SPATA16: variants seen among roughly 807,000 people sequenced by gnomAD.
The protein encoded by SPATA16 is spermatogenesis-associated protein 16.
Under a neutral mutation model 63.3 loss-of-function variants are expected in SPATA16, and 36 were observed. The observed-to-expected ratio is 0.57, with a 90% CI of 0.44 to 0.75. The LOEUF (loss-of-function observed/expected upper bound fraction) is 0.75, where lower values mean the gene tolerates loss of function less well. Among genes scored for constraint, SPATA16 ranks in the 30% least tolerant of loss-of-function variants. The pLI is 0.00. For synonymous variants in SPATA16, 203 were observed against 216.7 expected (o/e 0.94, Z 0.56); for missense variants, 646 against 679.3 (o/e 0.95, Z 0.54).
At chr3:173,033,480 A>G (rs1373210221) in intron 3 of SPATA16, among the ~76,000 whole-genome samples, 1 of 152,106 alleles carries the variant, frequency 6.6e-6, no homozygotes, top group African/African-American at 2.4e-5. Context: ...TGGCCCTATT[A>G]TCTTTCCTTT....
intron 10 of SPATA16, among the ~76,000 whole-genome samples, chr3:172,910,836 A>G (rs1325691438): frequency 6.6e-6 from 1 of 152,180 alleles, no homozygotes; most frequent in Admixed American, 6.5e-5. Context: ...AGAAATATCT[A>G]TCTTTATTCA....
At chr3:172,975,186 A>G (rs1734125339) in intron 5 of SPATA16, among the ~76,000 whole-genome samples, 2 of 152,258 alleles carry the variant, frequency 1.3e-5, no homozygotes, top group Middle Eastern at 3.4e-3. Context: ...GGAAGGAGGC[A>G]TGTCTCACAT....
chr3:172,979,519 AAG>A (rs1458071825), intron 4 of SPATA16, among the ~76,000 whole-genome samples: 32 of 152,316 alleles, frequency 2.1e-4, no homozygotes, highest in African/African-American at 7.5e-4. Flanking sequence ...ACTATTGTGA[AAG>A]AGAAGGAGGT....
intron 4 of SPATA16, among the ~76,000 whole-genome samples, chr3:173,013,684 G>C (rs527802346): frequency 1.8e-4 from 28 of 152,260 alleles, no homozygotes; most frequent in African/African-American, 6.3e-4. Context: ...GCCTAGGCAC[G>C]GGCTTATCCC....
At chr3:173,002,972 C>T (rs1256599436) in intron 4 of SPATA16, among the ~76,000 whole-genome samples, 1 of 152,078 alleles carries the variant, frequency 6.6e-6, no homozygotes, top group Non-Finnish European at 1.5e-5. Context: ...ATATGGAAAA[C>T]TATGTTAAAG....
intron 1 of SPATA16, among the ~76,000 whole-genome samples, chr3:173,123,464 T>G: frequency 6.6e-6 from 1 of 152,170 alleles, no homozygotes; most frequent in Non-Finnish European, 1.5e-5. Context: ...AAAGTTTTTT[T>G]TTTAACTTAG....
chr3:173,026,769 T>C (rs957244817), intron 3 of SPATA16, among the ~76,000 whole-genome samples: 5 of 152,094 alleles, frequency 3.3e-5, no homozygotes, highest in African/African-American at 1.2e-4. Flanking sequence ...AATATTCTGT[T>C]CTGGTGATTT....
At chr3:172,942,191 A>C (rs960670118) in intron 6 of SPATA16, among the ~76,000 whole-genome samples, 7 of 152,154 alleles carry the variant, frequency 4.6e-5, no homozygotes, top group Non-Finnish European at 7.4e-5. Context: ...TGTCTCAGGG[A>C]CTTATACTCT....
chr3:172,902,328 C>T (rs1282395028), intron 10 of SPATA16, among the ~76,000 whole-genome samples: 3 of 152,152 alleles, frequency 2.0e-5, no homozygotes, highest in Non-Finnish European at 2.9e-5. Context: ...AGGCATGAGC[C>T]ACCACGCCCA....
chr3:173,018,279 T>C (rs938601575), intron 4 of SPATA16, among the ~76,000 whole-genome samples: 6 of 151,784 alleles, frequency 4.0e-5, no homozygotes, highest in Non-Finnish European at 7.4e-5. Flanking sequence ...GTCAATTTTT[T>C]TTTTTTTTTT....
At chr3:172,897,877 T>C (rs1732040579) in intron 10 of SPATA16, among the ~76,000 whole-genome samples, 1 of 152,074 alleles carries the variant, frequency 6.6e-6, no homozygotes, top group Admixed American at 6.5e-5. Context: ...ATTAAGTGTA[T>C]TTAACTATAG....
rs150261722 is a variant in SPATA16, at chr3:173,052,316, A to G, written c.613-3222T>C. ...AAATAAAAATGATCTATCTTAACAC[A>G]CTAATGAGAATACTTCATGAAACCA... On this transcript the variant is annotated intron_variant, in intron 2 of 10. Transcript: ENST00000351008. Among the ~76,000 whole-genome samples the G allele has an allele frequency of 9.5e-3, 1,447 of 152,262 alleles. 15 individuals carry two copies. Among genetic ancestry groups the G allele is most frequent in the Middle Eastern group, 0.024 (7 of 294 alleles).
intron 6 of SPATA16, among the ~76,000 whole-genome samples, chr3:172,949,810 C>T (rs1733385722): frequency 6.6e-6 from 1 of 151,918 alleles, no homozygotes. Flanking sequence ...GGAAGAGACT[C>T]ATCAATTCAT....
At chr3:172,893,627 T>A (rs138330137) in intron 10 of SPATA16, among the ~76,000 whole-genome samples, 157 of 152,368 alleles carry the variant, frequency 1.0e-3, no homozygotes, top group African/African-American at 3.6e-3. Flanking sequence ...TAAGTTATAA[T>A]TTTCCCCTCA....
intron 4 of SPATA16, among the ~76,000 whole-genome samples, chr3:172,982,106 A>G (rs750807399): frequency 6.6e-6 from 1 of 152,220 alleles, no homozygotes; most frequent in Non-Finnish European, 1.5e-5. Flanking sequence ...TGAATTAACA[A>G]CTACACATTA....
chr3:173,092,570 G>A (rs917912684), intron 2 of SPATA16, among the ~76,000 whole-genome samples: 2 of 152,094 alleles, frequency 1.3e-5, no homozygotes, highest in Non-Finnish European at 2.9e-5. Context: ...CTTTGAAGAC[G>A]GAGGAAGGGT....
intron 1 of SPATA16, among the ~76,000 whole-genome samples, chr3:173,126,021 TTC>T (rs1738217555): frequency 6.7e-6 from 1 of 148,476 alleles, no homozygotes; most frequent in Admixed American, 6.7e-5. Context: ...AATGGAAAGC[TTC>T]TCTAGGCGCT....
At chr3:172,949,751 G>A (rs1040979557) in intron 6 of SPATA16, among the ~76,000 whole-genome samples, 1 of 152,040 alleles carries the variant, frequency 6.6e-6, no homozygotes, top group Non-Finnish European at 1.5e-5. Flanking sequence ...CGAGATAATG[G>A]GGATGGGTAA....
chr3:172,922,484 T>G (rs573657071), intron 8 of SPATA16, among the ~76,000 whole-genome samples: 1 of 152,292 alleles, frequency 6.6e-6, no homozygotes, highest in Non-Finnish European at 1.5e-5. Context: ...TAAAAGGTGA[T>G]AAGAAAATGA....
Sources: allele counts gnomAD v4.1 joint callset (sites outside exome capture counted in the v4.1 genomes callset), GRCh38; gene constraint gnomAD v4.1.1; transcripts MANE v1.5; gene names NCBI Gene and HGNC (gene_info 2026-07-23, HGNC 2026-07-21).